Variants in ACACA observed in about 807,000 individuals in gnomAD.
ACACA encodes acetyl-CoA carboxylase 1.
A neutral mutation model predicts 296.1 loss-of-function variants in ACACA; 103 were observed. The ratio of observed to expected loss-of-function variants is 0.35; its 90% CI spans 0.30 to 0.41. The LOEUF (loss-of-function observed/expected upper bound fraction) is 0.41, where lower values mean the gene tolerates loss of function less well. Among genes scored for constraint, ACACA ranks in the 10% least tolerant of loss-of-function variants. The probability of loss-of-function intolerance (pLI) is 1.00; values close to 1 mark genes in which losing one functional copy is unlikely to be tolerated. For missense variants in ACACA, 1,554 were observed against 2,989.7 expected, an observed-to-expected ratio of 0.52 and a Z score of 11.20; for synonymous variants, 953 against 1,038.6, an observed-to-expected ratio of 0.92 and a Z score of 1.58.
chr17:37,167,119 ATTTTTTTT>A (rs11290127), intron 41 of ACACA, among the ~76,000 whole-genome samples: 9 of 101,350 alleles, frequency 8.9e-5, no homozygotes, highest in African/African-American at 2.2e-4. Flanking sequence ...TAATTTTTGC[ATTTTTTTT>A]TTTTTTTTTT....
intron 45 of ACACA, chr17:37,144,260 C>T: frequency 4.5e-6 from 3 of 666,888 alleles, no homozygotes; most frequent in South Asian, 4.4e-5. Context: ...CAACATCTTG[C>T]CTCTAGGCTT....
chr17:37,404,570 ATTTTT>A (rs5820212), intron 1 of ACACA, among the ~76,000 whole-genome samples: 9 of 104,712 alleles, frequency 8.6e-5, no homozygotes, highest in Middle Eastern at 0.011. Flanking sequence ...TGCCACAGTG[ATTTTT>A]TTTTTTTTTT....
chr17:37,203,207 G>A (rs962493041), intron 33 of ACACA, among the ~76,000 whole-genome samples: 2 of 151,818 alleles, frequency 1.3e-5, no homozygotes, highest in African/African-American at 4.8e-5. Context: ...TGATCTGCCC[G>A]CCTTGGCCTC....
intron 3 of ACACA, among the ~76,000 whole-genome samples, chr17:37,317,091 A>T (rs2047131544): frequency 6.9e-6 from 1 of 145,500 alleles, no homozygotes; most frequent in African/African-American, 2.4e-5. Flanking sequence ...AAAAAGAAAA[A>T]AAGATTTGCA....
chr17:37,389,274 G>A, intron 1 of ACACA: 1 of 1,595,142 alleles, frequency 6.3e-7, no homozygotes, highest in Non-Finnish European at 8.5e-7. Context: ...AGGAAGCTGT[G>A]CCAATGCCAG....
chr17:37,389,437 C>T (rs1568093371), intron 1 of ACACA: 1 of 1,515,558 alleles, frequency 6.6e-7, no homozygotes, highest in East Asian at 2.5e-5. Context: ...TGGCTCACAC[C>T]TCTATTCCCA....
intron 45 of ACACA, 85 bp from the exon 46 acceptor site, chr17:37,130,303 C>T (rs191604522): frequency 2.6e-6 from 4 of 1,509,922 alleles, no homozygotes; most frequent in Non-Finnish European, 1.8e-6. Context: ...AAAATGGGTT[C>T]TTTTCTCCAC....
intron 45 of ACACA, among the ~76,000 whole-genome samples, chr17:37,130,771 T>C (rs2075053504): frequency 1.3e-5 from 2 of 152,028 alleles, no homozygotes; most frequent in African/African-American, 4.8e-5. Flanking sequence ...TGTGTGCAAG[T>C]CTCTTTGCAC....
chr17:37,201,733 T>A (rs2078258106), intron 33 of ACACA, among the ~76,000 whole-genome samples: 1 of 152,190 alleles, frequency 6.6e-6, no homozygotes, highest in African/African-American at 2.4e-5. Flanking sequence ...GACTTTAGTT[T>A]GACCACATTT....
At chr17:37,369,696 A>C (rs551868506) in intron 1 of ACACA, among the ~76,000 whole-genome samples, 4 of 151,902 alleles carry the variant, frequency 2.6e-5, no homozygotes, top group South Asian at 2.1e-4. Flanking sequence ...AATCTGGATA[A>C]TACATTCTTT....
chr17:37,247,887 ATTTTT>A (rs34102178), intron 18 of ACACA, 119 bp downstream of exon 18: 1 of 1,023,012 alleles, frequency 9.8e-7, no homozygotes, highest in African/African-American at 1.7e-5. Context: ...TGCATGTACT[ATTTTT>A]TTTTTTTTTA....
intron 1 of ACACA, among the ~76,000 whole-genome samples, chr17:37,367,214 T>A (rs1201385929): frequency 4.0e-5 from 6 of 149,382 alleles, no homozygotes. Context: ...CCCAATTTTC[T>A]TATTGGAAAA....
intron 42 of ACACA, 53 bp downstream of exon 42, chr17:37,161,728 C>A: frequency 6.3e-7 from 1 of 1,595,770 alleles, no homozygotes; most frequent in Non-Finnish European, 8.5e-7. Context: ...CCTCTCCACA[C>A]ATGTAGCATA....
chr17:37,394,916 A>G (rs11658403), intron 1 of ACACA, among the ~76,000 whole-genome samples: 7,378 of 151,158 alleles, frequency 0.049, 237 homozygotes, highest in Non-Finnish European at 0.077. Context: ...AAAATATATA[A>G]TAAAATAAAT....
At chr17:37,263,646 A>C in intron 11 of ACACA, 39 bp downstream of exon 11, 1 of 1,543,930 alleles carries the variant, frequency 6.5e-7, no homozygotes, top group Non-Finnish European at 9.0e-7. Flanking sequence ...AAAATGTTCT[A>C]TGTAAGAAAA....
chr17:37,263,344 A>C (rs2081601848), intron 11 of ACACA, among the ~76,000 whole-genome samples: 1 of 152,214 alleles, frequency 6.6e-6, no homozygotes. Context: ...AGACTTGATG[A>C]TACTCAACCC....
intron 1 of ACACA, among the ~76,000 whole-genome samples, chr17:37,404,217 T>C (rs966864046): frequency 1.3e-5 from 2 of 152,208 alleles, no homozygotes; most frequent in African/African-American, 4.8e-5. Context: ...TCTCAAAATT[T>C]GAGTTTCAAT....
intron 52 of ACACA, among the ~76,000 whole-genome samples, chr17:37,101,875 C>T (rs960346118): frequency 3.9e-5 from 6 of 152,172 alleles, no homozygotes. Context: ...GATGGCAAGA[C>T]CACTGACATG....
intron 1 of ACACA, among the ~76,000 whole-genome samples, chr17:37,357,921 A>G (rs1186733246): frequency 6.6e-6 from 1 of 152,188 alleles, no homozygotes; most frequent in Non-Finnish European, 1.5e-5. Flanking sequence ...CTCAATCTAT[A>G]CTACCGAATT....
Sources: allele counts gnomAD v4.1 joint callset (sites outside exome capture counted in the v4.1 genomes callset), GRCh38; gene constraint gnomAD v4.1.1; transcripts MANE v1.5; gene names NCBI Gene and HGNC (gene_info 2026-07-23, HGNC 2026-07-21).